GNB5: variants seen among roughly 807,000 people sequenced by gnomAD.
GNB5 encodes the protein G protein subunit beta 5.
In GNB5, 37 loss-of-function variants were observed where a neutral mutation model predicts 55.3. That is an observed-to-expected ratio of 0.67 (90% CI 0.51 to 0.88). The LOEUF (loss-of-function observed/expected upper bound fraction) is 0.88. Ranked by LOEUF, GNB5 falls within the 40% of genes least tolerant of loss-of-function variation. The probability of loss-of-function intolerance (pLI) is 0.00; values close to 1 mark genes in which losing one functional copy is unlikely to be tolerated. For missense variants in GNB5, 476 were observed against 515.3 expected, an observed-to-expected ratio of 0.92 and a Z score of 0.74; for synonymous variants, 219 against 198.5, an observed-to-expected ratio of 1.10 and a Z score of -0.87.
intron 2 of GNB5, among the ~76,000 whole-genome samples, chr15:52,184,211 A>G (rs2034813101): frequency 6.6e-6 from 1 of 152,206 alleles, no homozygotes; most frequent in South Asian, 2.1e-4. Flanking sequence ...GCTGGGTACT[A>G]TTTAAAATAA....
intron 3 of GNB5, among the ~76,000 whole-genome samples, chr15:52,161,171 A>C (rs191625962): frequency 2.7e-4 from 41 of 152,284 alleles, no homozygotes; most frequent in Middle Eastern, 3.4e-3. Context: ...CCCTAAGAAC[A>C]TTTACATACC....
chr15:52,178,146 C>T (rs1449095866), intron 3 of GNB5, among the ~76,000 whole-genome samples: 1 of 152,166 alleles, frequency 6.6e-6, no homozygotes, highest in Non-Finnish European at 1.5e-5. Flanking sequence ...ACGGGTTTGG[C>T]GAAAATAATC....
chr15:52,156,906 A>AAGT (rs2034218524), intron 3 of GNB5, among the ~76,000 whole-genome samples: 1 of 152,158 alleles, frequency 6.6e-6, no homozygotes, highest in Non-Finnish European at 1.5e-5. Context: ...ACATCGAATG[A>AAGT]AGTTTAAAAA....
chr15:52,140,716 G>A (rs965894158), intron 7 of GNB5, among the ~76,000 whole-genome samples: 33 of 152,220 alleles, frequency 2.2e-4, no homozygotes, highest in Non-Finnish European at 4.4e-5. Flanking sequence ...GATTTAATAT[G>A]GTGAAGCATT....
rs576292918 is a variant in GNB5, at chr15:52,137,408, G to T, written c.628-1652C>A. The T allele has an allele frequency of 2.2e-4, 229 of 1,029,610 alleles. 2 individuals carry two copies. Among genetic ancestry groups the T allele is most frequent in the Non-Finnish European group, 1.0e-4 (88 of 856,052 alleles). 63.8% of individuals were successfully genotyped at this position (1,029,610 alleles called of 1,614,324 possible). A position where few individuals can be genotyped will look rare whatever the true frequency, so the allele number is the denominator to read the frequency against. On this transcript the variant is annotated intron_variant, in intron 7 of 12. Coordinates refer to ENST00000261837, the MANE Select transcript of GNB5 (RefSeq NM_016194.4). ...GGAAGGGGAGAGACAAACTCCAGGG[G>T]GGCCTATGTCTGCACTAAATGAAAG...
At chr15:52,147,279 A>G in intron 6 of GNB5, 180 bp downstream of exon 6, 1 of 517,144 alleles carries the variant, frequency 1.9e-6, no homozygotes, top group Non-Finnish European at 3.5e-6. Context: ...CTGGGATTAC[A>G]AGCAGGCACC....
At chr15:52,137,617 G>C in intron 7 of GNB5, 1 of 1,120,448 alleles carries the variant, frequency 8.9e-7, no homozygotes, top group Non-Finnish European at 1.1e-6. Context: ...GGGTGCCCAG[G>C]GAAAGACATG....
At chr15:52,137,267 A>T (rs1566936123) in intron 7 of GNB5, 15 of 1,147,876 alleles carry the variant, frequency 1.3e-5, no homozygotes, top group Non-Finnish European at 1.4e-5. Context: ...AGGATCAATG[A>T]CAACAGCATG....
intron 3 of GNB5, 72 bp downstream of exon 3, chr15:52,179,696 C>CCCCCGCCGT (rs1232465407): frequency 3.2e-6 from 3 of 927,968 alleles, no homozygotes; most frequent in Middle Eastern, 7.6e-4. Context: ...GCCCCCACCG[C>CCCCCGCCGT]CCCCGCCGTC....
At chr15:52,163,135 C>T (rs1284129191) in intron 3 of GNB5, among the ~76,000 whole-genome samples, 2 of 152,196 alleles carry the variant, frequency 1.3e-5, no homozygotes, top group East Asian at 3.9e-4. Flanking sequence ...TGTGAGACCA[C>T]GCCCGGGAAA....
intron 3 of GNB5, among the ~76,000 whole-genome samples, chr15:52,173,011 CT>C (rs1191964584): frequency 5.3e-5 from 8 of 151,314 alleles, no homozygotes; most frequent in South Asian, 2.1e-4. Flanking sequence ...CAATGCCAAT[CT>C]TTTTTTTTCA....
chr15:52,160,167 C>G (rs192415084), intron 3 of GNB5, among the ~76,000 whole-genome samples: 1 of 152,068 alleles, frequency 6.6e-6, no homozygotes, highest in Non-Finnish European at 1.5e-5. Flanking sequence ...AGGCCGGTCT[C>G]GAACTCCTGA....
chr15:52,180,031 C>A, intron 2 of GNB5, 152 bp from the exon 3 acceptor site: 1 of 1,024,978 alleles, frequency 9.8e-7, no homozygotes, highest in Non-Finnish European at 1.2e-6. Flanking sequence ...CCGGCTGCTG[C>A]GCCTGAGCCC....
In GNB5 at chr15:52,122,773, G is replaced by A. The variant is rs768962220; in HGVS notation, c.1177-5C>T. The A allele has an allele frequency of 1.2e-5, 20 of 1,603,740 alleles. No homozygotes were observed. Among genetic ancestry groups the A allele is most frequent in the Non-Finnish European group, 1.7e-5 (20 of 1,170,450 alleles). On this transcript the variant is annotated splice_polypyrimidine_tract_variant and splice_region_variant and intron_variant, in intron 12 of 12. Transcript: ENST00000261837. ...AGAAGATGATTAGGCCCAGACCTGT[G>A]AAGACACAAACAGATAGTTTTTAGA...
At chr15:52,172,859 C>T (rs2034579720) in intron 3 of GNB5, among the ~76,000 whole-genome samples, 1 of 152,138 alleles carries the variant, frequency 6.6e-6, no homozygotes, top group South Asian at 2.1e-4. Flanking sequence ...CGTATCCTTC[C>T]AGACATTTAC....
intron 3 of GNB5, among the ~76,000 whole-genome samples, chr15:52,161,520 C>T (rs1419135349): frequency 6.6e-6 from 1 of 152,176 alleles, no homozygotes; most frequent in Non-Finnish European, 1.5e-5. Flanking sequence ...AGGTTGGTCT[C>T]GAAGTCCTGG....
At chr15:52,164,977 G>A (rs1275593135) in intron 3 of GNB5, among the ~76,000 whole-genome samples, 1 of 152,168 alleles carries the variant, frequency 6.6e-6, no homozygotes, top group African/African-American at 2.4e-5. Context: ...AAACATTACA[G>A]GAGCTGATAA....
intron 5 of GNB5, 36 bp from the exon 6 acceptor site, chr15:52,147,571 C>A: frequency 8.5e-7 from 1 of 1,171,794 alleles, no homozygotes; most frequent in Non-Finnish European, 1.2e-6. Flanking sequence ...CTAGCACTTC[C>A]ACACAAAAAT....
At chr15:52,162,076 G>C (rs532168234) in intron 3 of GNB5, among the ~76,000 whole-genome samples, 12 of 152,130 alleles carry the variant, frequency 7.9e-5, no homozygotes, top group Admixed American at 3.3e-4. Flanking sequence ...AACAGCAAGC[G>C]TGAAGGCCAG....
Sources: allele counts gnomAD v4.1 joint callset (sites outside exome capture counted in the v4.1 genomes callset), GRCh38; gene constraint gnomAD v4.1.1; transcripts MANE v1.5; gene names NCBI Gene and HGNC (gene_info 2026-07-23, HGNC 2026-07-21).